PROSER3: variants seen among roughly 807,000 people sequenced by gnomAD.
The protein encoded by PROSER3 is proline and serine-rich protein 3.
Under a neutral mutation model 50.2 loss-of-function variants are expected in PROSER3, and 33 were observed. That is an observed-to-expected ratio of 0.66 (90% CI 0.50 to 0.88). The LOEUF (loss-of-function observed/expected upper bound fraction) is 0.88, where lower values mean the gene tolerates loss of function less well. Ranked by LOEUF, PROSER3 falls within the 40% of genes least tolerant of loss-of-function variation. PROSER3 has a pLI of 0.00. For missense variants in PROSER3, 623 were observed against 612.7 expected (o/e 1.02, Z -0.18); for synonymous variants, 266 against 259.3 (o/e 1.03, Z -0.25).
chr19:35,767,621 C>T (rs1971198341), intron 8 of PROSER3: 1 of 727,682 alleles, frequency 1.4e-6, no homozygotes, highest in African/African-American at 1.8e-5. Flanking sequence ...GGGACCTGGC[C>T]CTCAGCTCAG....
chr19:35,758,406 G>A, intron 1 of PROSER3, 180 bp downstream of exon 1: 5 of 727,736 alleles, frequency 6.9e-6, no homozygotes, highest in South Asian at 2.3e-5. Context: ...TTAGCATCCC[G>A]GGGGTCCCCT....
chr19:35,768,077 G>C lies in PROSER3; in HGVS notation c.1219+12G>C. Reference sequence around the variant, plus strand: ...GCAGGCTGCAGAAGGTGATGCCCGCGCCCTCCTGGATGTTGGAGGCAGGCC... The same window carrying C: ...GCAGGCTGCAGAAGGTGATGCCCGCCCCCTCCTGGATGTTGGAGGCAGGCC... On this transcript the variant is annotated intron_variant, in intron 9 of 10. Coordinates refer to ENST00000396908, the Ensembl canonical transcript of PROSER3. 1 of 1,585,854 alleles carries C rather than the reference G, an allele frequency of 6.3e-7. No individual in the cohort carries two copies. Among genetic ancestry groups the C allele is most frequent in the Non-Finnish European group, 8.6e-7 (1 of 1,165,902 alleles).
intron 5 of PROSER3, 123 bp from the exon 6 acceptor site, chr19:35,764,731 G>C (rs1971079169): frequency 3.7e-6 from 3 of 800,782 alleles, no homozygotes; most frequent in Non-Finnish European, 5.9e-6. Context: ...AGGAGGAGCA[G>C]ATCCTAAGCT....
intron 1 of PROSER3, 176 bp from the exon 2 acceptor site, chr19:35,759,198 C>T: frequency 5.0e-6 from 3 of 605,648 alleles, no homozygotes; most frequent in Non-Finnish European, 8.7e-6. Flanking sequence ...GGCGGGCTCC[C>T]AGGACTCACC....
At chr19:35,761,086 C>T (rs989773901) in intron 3 of PROSER3, among the ~76,000 whole-genome samples, 1 of 152,324 alleles carries the variant, frequency 6.6e-6, no homozygotes, top group African/African-American at 2.4e-5. Context: ...AGGCCGTTGC[C>T]CTTTCCTTCA....
At position 35,763,209 on chromosome 19, in the gene PROSER3, CT is replaced by C. The variant is rs968660594; in HGVS notation, c.543+863del. Reference sequence around the variant, plus strand: ...ACTCTCTCTGGGCTCCATGCCCCCCCTTTTTTTTTTGATACAGAGTCTTGCT... The same window carrying C: ...ACTCTCTCTGGGCTCCATGCCCCCCCTTTTTTTTTGATACAGAGTCTTGCT... On this transcript the variant is annotated intron_variant, in intron 5 of 10. Coordinates refer to ENST00000396908, the Ensembl canonical transcript of PROSER3. Among the ~76,000 whole-genome samples the C allele has an allele frequency of 9.1e-4, 135 of 147,822 alleles. 2 individuals carry two copies. Among genetic ancestry groups the C allele is most frequent in the Admixed American group, 5.1e-3 (76 of 14,840 alleles).
chr19:35,758,861 G>T (rs547367392), intron 1 of PROSER3: 1 of 153,368 alleles, frequency 6.5e-6, no homozygotes, highest in African/African-American at 2.4e-5. Flanking sequence ...TAGAGACGGG[G>T]TTTCGCCATG....
chr19:35,762,357 G>T lies in PROSER3; in HGVS notation c.543+1G>T, dbSNP rs762190848. The T allele has an allele frequency of 6.3e-7, 1 of 1,595,866 alleles. No individual in the cohort carries two copies. Among genetic ancestry groups the T allele is most frequent in the South Asian group, 1.1e-5 (1 of 88,326 alleles). ...GGCTCCCCTTCAGGAAATAAAGCAG[G>T]TGACATCCCCATTCACTCCCTCCCT... is the stretch of plus-strand genomic sequence containing the variant. On this transcript the variant is annotated splice_donor_variant, in intron 5 of 10. Coordinates refer to ENST00000396908, the Ensembl canonical transcript of PROSER3. LOFTEE classifies it high-confidence loss of function.
chr19:35,763,671 T>A (rs1462717578), intron 5 of PROSER3, among the ~76,000 whole-genome samples: 2 of 149,036 alleles, frequency 1.3e-5, no homozygotes, highest in Non-Finnish European at 3.0e-5. Flanking sequence ...GCCCGGCTAA[T>A]TTTTTTTTGT....
At chr19:35,766,771 C>A (rs772216441) in exon 8 of PROSER3, 1 of 1,547,320 alleles carries the variant, frequency 6.5e-7, no homozygotes, top group Non-Finnish European at 8.7e-7. Flanking sequence ...CCTACAGCAT[C>A]CCCGGCACCA....
chr19:35,769,609 C>G (rs1001912609), downstream of PROSER3: 2 of 152,414 alleles, frequency 1.3e-5, no homozygotes, highest in African/African-American at 2.4e-5. Flanking sequence ...CTGGGCCCCC[C>G]CTCCCCAACT....
rs1971245018 is a variant in PROSER3, at chr19:35,768,398, C to T, written c.1302-6C>T. ...CCCAGCCTCTGCTCTCCCGGCCTTT[C>T]TCCAGGGAAGCGGATGCCCGATTAT... On this transcript the variant is annotated splice_region_variant and splice_polypyrimidine_tract_variant and intron_variant, in intron 10 of 10. Coordinates refer to ENST00000396908, the Ensembl canonical transcript of PROSER3. 1 of 1,594,920 alleles carries T rather than the reference C, an allele frequency of 6.3e-7. No individual in the cohort carries two copies. Among genetic ancestry groups the T allele is most frequent in the African/African-American group, 1.3e-5 (1 of 74,774 alleles).
chr19:35,760,503 T>C (rs1970922995), intron 3 of PROSER3, among the ~76,000 whole-genome samples: 1 of 152,178 alleles, frequency 6.6e-6, no homozygotes, highest in Admixed American at 6.5e-5. Context: ...TTTTGTTTTT[T>C]TGATGGAGTT....
intron 7 of PROSER3, among the ~76,000 whole-genome samples, chr19:35,766,419 G>A (rs1971143429): frequency 6.6e-6 from 1 of 152,076 alleles, no homozygotes; most frequent in Non-Finnish European, 1.5e-5. Context: ...GGTGGCACAC[G>A]CCTTTTGTCC....
exon 10 of PROSER3, chr19:35,768,226 C>G: frequency 6.2e-7 from 1 of 1,612,540 alleles, no homozygotes; most frequent in Non-Finnish European, 8.5e-7. Context: ...AGAGCTGAGT[C>G]GGCAGAAAAG....
Position 35,767,949 on chromosome 19 carries a change from C to A in PROSER3, c.1103C>A (p.Pro368Gln), listed in dbSNP as rs374045034. ...CAGGCAACCACAGTCAAGGCCTCGCCGCCAGCCTTCCAGGTGGGGTCTCCG... is the reference window on the plus strand; with the variant it reads ...CAGGCAACCACAGTCAAGGCCTCGCAGCCAGCCTTCCAGGTGGGGTCTCCG... Residue 368 changes from proline (P) to glutamine (Q), a missense_variant, in exon 9 of 11, where the codon CCG becomes CAG. This residue lies in a region of PROSER3 where 380 missense variants were observed against 346.8 expected (regional missense o/e 1.10). Transcript: ENST00000396908. The A allele has an allele frequency of 1.1e-4, 184 of 1,610,546 alleles. 1 individual carries two copies. The Middle Eastern group carries it at 1.5e-3, about 13-fold the overall frequency.
chr19:35,768,613 T>C, exon 11 of PROSER3: 3 of 1,498,332 alleles, frequency 2.0e-6, no homozygotes, highest in Non-Finnish European at 8.8e-7. Context: ...TGGTTATCTG[T>C]GAGAAAGGGG....
chr19:35,766,873 A>G (rs1971158344), exon 8 of PROSER3: 1 of 1,551,788 alleles, frequency 6.4e-7, no homozygotes, highest in Non-Finnish European at 8.7e-7. Flanking sequence ...CAGTGGCGGC[A>G]GCGGCGGAAG....
At chr19:35,762,730 TAA>T (rs35934536) in intron 5 of PROSER3, 2,176 of 100,640 alleles carry the variant, frequency 0.022, 68 homozygotes, top group African/African-American at 0.07. Context: ...TGTCTCTATT[TAA>T]AAAAAAAAAA....
Sources: gnomAD v4.1 joint callset for allele counts (sites outside exome capture counted in the v4.1 genomes callset) on GRCh38, gnomAD v4.1.1 for gene constraint, gnomAD v4.1.1 regional missense constraint, MANE v1.5 for transcripts, NCBI Gene and HGNC (gene_info 2026-07-23, HGNC 2026-07-21) for gene names.